Variants in RTL1 observed in about 807,000 individuals in gnomAD.
RTL1 encodes retrotransposon-like protein 1.
For synonymous variants in RTL1, 727 were observed against 748.4 expected, an observed-to-expected ratio of 0.97 and a Z score of 0.47; for missense variants, 1,681 against 1,767.5, an observed-to-expected ratio of 0.95 and a Z score of 0.88.
Position 100,881,774 on chromosome 14 carries a change from G to C in RTL1, c.3015C>G (p.Phe1005Leu). Residue 1005 changes from phenylalanine to leucine, a missense_variant, in exon 4 of 4, where the codon TTC (phenylalanine) becomes TTG (leucine). Phe to Leu is a conservative substitution (Grantham distance 22). Coordinates refer to ENST00000649591, the MANE Select transcript of RTL1 (RefSeq NM_001134888.3). This position sits in a 1 kb window ranked among gnomAD's most constrained non-coding sequence, Gnocchi z 6.6. ...PVRNLRWRRA[F>L]QRNTAARQTL... The stretch of plus-strand genomic sequence containing the variant: ...TTTGCCTGGCGGCAGTGTTCCTCTG[G>C]AAGGCTCTCCTCCACCGGAGGTTTC... The C allele has an allele frequency of 6.2e-7, 1 of 1,613,766 alleles. No homozygotes were observed. Among genetic ancestry groups the C allele is most frequent in the South Asian group, 1.1e-5 (1 of 91,070 alleles).
At chr14:100,890,211 G>T (rs1005078855) in intron 3 of RTL1, among the ~76,000 whole-genome samples, 3 of 151,776 alleles carry the variant, frequency 2.0e-5, no homozygotes, top group Non-Finnish European at 2.9e-5. Context: ...CACCTTCAGT[G>T]CCCAGAGCCT....
At chr14:100,885,514 C>G (rs1285181762) in intron 3 of RTL1, among the ~76,000 whole-genome samples, 1 of 144,278 alleles carries the variant, frequency 6.9e-6, no homozygotes, top group Non-Finnish European at 1.5e-5. Flanking sequence ...GGGGTGTGTA[C>G]AGGTCTGGGT....
chr14:100,883,142 C>G lies in RTL1; in HGVS notation c.1647G>C (p.Met549Ile). Residue 549 changes from methionine to isoleucine, a missense_variant, in exon 4 of 4, where the codon ATG (methionine) becomes ATC (isoleucine). Met to Ile is a conservative substitution (Grantham distance 10, BLOSUM62 1). Transcript: ENST00000649591. This position sits in a 1 kb window ranked among gnomAD's most constrained non-coding sequence, Gnocchi z 5.9. ...GGTGTGGCAGTCCGGGTAGCAGGCT[C>G]ATGCCGTGCCTCTCTAGGGCAATGC... ...PPCIALERHG[M>I]SLLPGLPHPY... 6.2e-7 allele frequency: 1 copy of G among 1,607,924 alleles called. No homozygotes were observed. The highest frequency in any genetic ancestry group is 1.7e-4 in the Middle Eastern group (1 of 6,054).
rs1197147087 is a variant in RTL1 at position 100,881,544 on chromosome 14, C to G, written c.3245G>C (p.Gly1082Ala). ...IRAVILHFFR[G>A]LLYWKNTLAL... is the part of the protein sequence containing the mutation. ...TAGGGTGTTCTTCCAGTACAGGAGG[C>G]CTCGGAAGAAGTGCAGAATGACGGC... Residue 1082 changes from glycine (G) to alanine (A), a missense_variant, in exon 4 of 4, where the codon GGC becomes GCC. By Grantham distance (60) the Gly-to-Ala change is moderately conservative. Coordinates refer to ENST00000649591, the MANE Select transcript of RTL1 (RefSeq NM_001134888.3). This position sits in a 1 kb window ranked among gnomAD's most constrained non-coding sequence, Gnocchi z 6.6. 1.3e-6 allele frequency: 2 copies of G among 1,551,594 alleles called. No homozygotes were observed. Among genetic ancestry groups the G allele is most frequent in the East Asian group, 2.4e-5 (1 of 40,916 alleles).
intron 3 of RTL1, among the ~76,000 whole-genome samples, chr14:100,885,111 T>C (rs571942592): frequency 1.3e-5 from 2 of 152,352 alleles, no homozygotes; most frequent in Admixed American, 1.3e-4. Flanking sequence ...GCCTGTCCTG[T>C]CCTTTTCCTC....
At position 100,881,489 on chromosome 14, in the gene RTL1, G is replaced by T. The variant is rs374671882; in HGVS notation, c.3300C>A (p.Arg1100=). 6.4e-7 allele frequency: 1 copy of T among 1,551,502 alleles called. No individual in the cohort carries two copies. The highest frequency in any genetic ancestry group is 8.7e-7 in the Non-Finnish European group (1 of 1,146,986). ...GCCGCAGCGAGAGGCATTGCCTCAC[G>T]CGCAGTAGCACGAGGATGGCTGCCA... ...LALAAILVLL[R]VRQCLSLRPA... Residue 1100 remains arginine, a synonymous_variant, in exon 4 of 4, where the codon CGC becomes CGA. Coordinates refer to ENST00000649591, the MANE Select transcript of RTL1 (RefSeq NM_001134888.3). The surrounding 1 kb of genome is among the most constrained non-coding windows in gnomAD (Gnocchi z 6.6).
At chr14:100,894,194 C>T (rs1346410388) in intron 2 of RTL1, among the ~76,000 whole-genome samples, 1 of 151,280 alleles carries the variant, frequency 6.6e-6, no homozygotes, top group African/African-American at 2.4e-5. Context: ...CCTGTAATCC[C>T]AGCTACTTGG....
intron 3 of RTL1, among the ~76,000 whole-genome samples, chr14:100,890,074 G>GGAA (rs554899525): frequency 1.0e-4 from 13 of 123,868 alleles, no homozygotes; most frequent in South Asian, 2.7e-4. Context: ...CGCCTTATTT[G>GGAA]AAAAAAAAAA....
In RTL1 at chr14:100,884,532, T is replaced by G. The variant is rs1033942387; in HGVS notation, c.257A>C (p.Lys86Thr). The change falls in exon 4 of 4, where the codon AAG becomes ACG. Residue 86 changes from lysine (K) to threonine (T), a missense_variant. Transcript: ENST00000649591. ...DMEEPSSGPR[K>T]EIEDPPNDLL... is the part of the protein sequence containing the mutation. ...GTCATTGGGTGGATCCTCTATTTCCTTACGTGGGCCACTGGATGGCTCCTC... is the reference window on the plus strand; with the variant it reads ...GTCATTGGGTGGATCCTCTATTTCCGTACGTGGGCCACTGGATGGCTCCTC... 5 of 1,613,568 alleles carry G rather than the reference T, an allele frequency of 3.1e-6. No homozygotes were observed. The highest frequency in any genetic ancestry group is 2.5e-6 in the Non-Finnish European group (3 of 1,179,494).
At chr14:100,891,663 C>A (rs1595340929) in intron 3 of RTL1, among the ~76,000 whole-genome samples, 1 of 152,188 alleles carries the variant, frequency 6.6e-6, no homozygotes. Context: ...AGGGGCTGTG[C>A]GAGGGGTCAC....
Position 100,880,947 on chromosome 14 carries a change from C to T in RTL1, c.3842G>A (p.Arg1281His), listed in dbSNP as rs780698489. 125 of 85,280 alleles carry T rather than the reference C, an allele frequency of 1.5e-3. No individual in the cohort carries two copies. The highest frequency in any genetic ancestry group is 2.4e-3 in the Non-Finnish European group (103 of 43,298). The allele number at this position is 85,280 out of a possible 1,614,324, so 5.3% of individuals were successfully genotyped here. A position where few individuals can be genotyped will look rare whatever the true frequency, so the allele number is the denominator to read the frequency against. The change falls in exon 4 of 4, where the codon CGC becomes CAC. Residue 1281 changes from arginine (R) to histidine (H), a missense_variant. Coordinates refer to ENST00000649591, the MANE Select transcript of RTL1 (RefSeq NM_001134888.3). Reference sequence around the variant, plus strand: ...CAGGACCTGGGGATCCATCAGGTGGCGTGGGCGGGGTGGGTGGGTGGCTGC... The same window carrying T: ...CAGGACCTGGGGATCCATCAGGTGGTGTGGGCGGGGTGGGTGGGTGGCTGC... The part of the protein sequence containing the change: ...HTAATHPPRP[R>H]HLMDPQVLEF...
rs371992704 is a variant in RTL1, at chr14:100,886,909, T to G, written c.-86-2035A>C. Reference sequence around the variant, plus strand: ...TATAAAGTCTACACTGCTTAACATATTTACAAATTCGACCATGTGAATGAT... The same window carrying G: ...TATAAAGTCTACACTGCTTAACATAGTTACAAATTCGACCATGTGAATGAT... On this transcript the variant is annotated intron_variant, in intron 3 of 3. Transcript: ENST00000649591. Among the ~76,000 whole-genome samples, 11 of 152,202 alleles carry G rather than the reference T, an allele frequency of 7.2e-5. No homozygotes were observed. In the East Asian group the frequency reaches 7.7e-4, roughly 11 times the overall value.
intron 2 of RTL1, among the ~76,000 whole-genome samples, chr14:100,898,426 T>C (rs2038898307): frequency 6.6e-6 from 1 of 152,146 alleles, no homozygotes; most frequent in Non-Finnish European, 1.5e-5. Flanking sequence ...GATGGGGTGG[T>C]GGGTTAAATT....
chr14:100,880,230 G>A lies in RTL1; in HGVS notation c.*482C>T, dbSNP rs1241841205. Among the ~76,000 whole-genome samples the A allele has an allele frequency of 3.4e-5, 5 of 146,012 alleles. No homozygotes were observed. Among genetic ancestry groups the A allele is most frequent in the South Asian group, 4.4e-4 (2 of 4,568 alleles). ...GGGATGGGGGTTGGGGGGCGGGGGC[G>A]GGAGCTCAGGGGAGCAGGAGCACCG... is the stretch of plus-strand genomic sequence containing the variant. On this transcript the variant is annotated 3_prime_UTR_variant, in exon 4 of 4. Transcript: ENST00000649591.
chr14:100,894,327 GA>G (rs1187107562), intron 2 of RTL1, among the ~76,000 whole-genome samples: 5 of 126,074 alleles, frequency 4.0e-5, no homozygotes, highest in East Asian at 4.2e-4. Flanking sequence ...AAAAAAAAAA[GA>G]AAAAAAAAGA....
chr14:100,884,535 C>T lies in RTL1; in HGVS notation c.254G>A (p.Arg85His), dbSNP rs745760683. Reference sequence around the variant, plus strand: ...ATTGGGTGGATCCTCTATTTCCTTACGTGGGCCACTGGATGGCTCCTCCAT... The same window carrying T: ...ATTGGGTGGATCCTCTATTTCCTTATGTGGGCCACTGGATGGCTCCTCCAT... ...QDMEEPSSGP[R>H]KEIEDPPNDL... The change falls in exon 4 of 4, where the codon CGT becomes CAT. Residue 85 changes from arginine (R) to histidine (H), a missense_variant. By Grantham distance (29) the Arg-to-His change is conservative. Coordinates refer to ENST00000649591, the MANE Select transcript of RTL1 (RefSeq NM_001134888.3). 6 of 1,613,364 alleles carry T rather than the reference C, an allele frequency of 3.7e-6. No homozygotes were observed. The highest frequency in any genetic ancestry group is 2.7e-5 in the African/African-American group (2 of 74,900).
At chr14:100,892,155 G>A (rs2038788784) in intron 3 of RTL1, among the ~76,000 whole-genome samples, 1 of 152,204 alleles carries the variant, frequency 6.6e-6, no homozygotes, top group South Asian at 2.1e-4. Context: ...TGTAAGAGTG[G>A]AACCTGCTCA....
chr14:100,885,523 GT>G (rs5811014), intron 3 of RTL1, among the ~76,000 whole-genome samples: 50,466 of 141,424 alleles, frequency 0.36, 8,775 homozygotes, highest in East Asian at 0.53. Flanking sequence ...ACAGGTCTGG[GT>G]TTTTTTTTTT....
intron 3 of RTL1, among the ~76,000 whole-genome samples, chr14:100,886,764 C>T (rs901303533): frequency 5.3e-5 from 8 of 152,114 alleles, no homozygotes; most frequent in Admixed American, 2.0e-4. Flanking sequence ...AGTAATTCAT[C>T]TGCAGACTTA....
Sources: gnomAD v4.1 joint callset for allele counts (sites outside exome capture counted in the v4.1 genomes callset) on GRCh38, gnomAD v4.1.1 for gene constraint, Gnocchi (gnomAD v3.1) non-coding constraint, MANE v1.5 for transcripts, NCBI Gene and HGNC (gene_info 2026-07-23, HGNC 2026-07-21) for gene names.